The following SEL1L2 variants were observed in gnomAD, a reference collection of about 807,000 sequenced individuals.
The protein encoded by SEL1L2 is SEL1L2 adaptor subunit of SYVN1 ubiquitin ligase.
A neutral mutation model predicts 98.8 loss-of-function variants in SEL1L2; 89 were observed. That is an observed-to-expected ratio of 0.90 (90% confidence interval 0.76 to 1.07). The LOEUF (loss-of-function observed/expected upper bound fraction) is 1.07. Ranked by LOEUF, SEL1L2 falls within the 50% of genes least tolerant of loss-of-function variation. The probability of loss-of-function intolerance (pLI) is 0.00; values close to 1 mark genes in which losing one functional copy is unlikely to be tolerated. For missense variants in SEL1L2, 788 were observed against 812.0 expected, an observed-to-expected ratio of 0.97 and a Z score of 0.36; for synonymous variants, 262 against 278.5, an observed-to-expected ratio of 0.94 and a Z score of 0.59.
intron 1 of SEL1L2, among the ~76,000 whole-genome samples, chr20:13,967,524 C>A (rs1461684811): frequency 6.6e-6 from 1 of 152,178 alleles, no homozygotes; most frequent in Non-Finnish European, 1.5e-5. Flanking sequence ...TGCCTGGTCC[C>A]AGCTCATTTC....
intron 3 of SEL1L2, among the ~76,000 whole-genome samples, chr20:13,926,969 C>T (rs1173682040): frequency 6.6e-6 from 1 of 152,184 alleles, no homozygotes; most frequent in African/African-American, 2.4e-5. Flanking sequence ...CAGGAATAGG[C>T]TCCACTGTTC....
Position 13,911,766 on chromosome 20 carries a change from G to A in SEL1L2, c.549+2016C>T, listed in dbSNP as rs140946707. Among the ~76,000 whole-genome samples the A allele has an allele frequency of 2.6e-3, 399 of 152,078 alleles. 7 individuals carry two copies. The East Asian group carries it at 0.049, about 19-fold the overall frequency. ...GAAGCAGCAACTAAAGTATTTGTTC[G>A]TTTTTGTAAAAAAATAATTCTATGG... On this transcript the variant is annotated intron_variant, in intron 5 of 19. Transcript: ENST00000284951.
At chr20:13,970,786 T>TG (rs796236492) in intron 1 of SEL1L2, among the ~76,000 whole-genome samples, 34 of 152,134 alleles carry the variant, frequency 2.2e-4, no homozygotes, top group African/African-American at 8.2e-4. Flanking sequence ...AGGCCAAGGT[T>TG]GTGCCATTGC....
intron 10 of SEL1L2, among the ~76,000 whole-genome samples, chr20:13,879,476 T>G (rs1390598228): frequency 6.6e-6 from 1 of 152,046 alleles, no homozygotes; most frequent in Non-Finnish European, 1.5e-5. Flanking sequence ...CTCGGCTTCC[T>G]GAGTAGGTGG....
intron 1 of SEL1L2, among the ~76,000 whole-genome samples, chr20:13,984,693 C>T (rs763344683): frequency 6.6e-6 from 1 of 151,838 alleles, no homozygotes; most frequent in Non-Finnish European, 1.5e-5. Flanking sequence ...CCCCTCCCCT[C>T]CCATCACCCT....
At position 13,907,980 on chromosome 20, in the gene SEL1L2, T is replaced by C. The variant is rs561545229; in HGVS notation, c.549+5802A>G. Among the ~76,000 whole-genome samples, 13 of 151,258 alleles carry C rather than the reference T, an allele frequency of 8.6e-5. No individual in the cohort carries two copies. In the South Asian group the frequency reaches 2.1e-3, roughly 24 times the overall value. On this transcript the variant is annotated intron_variant, in intron 5 of 19. Transcript: ENST00000284951. ...TTTATATTTTTTTGTAAAGATAGGG[T>C]CTTACTATGTTGCCCAGGGTAGTCT...
chr20:13,945,908 CAACA>C (rs1180154122), intron 2 of SEL1L2, among the ~76,000 whole-genome samples: 7 of 151,912 alleles, frequency 4.6e-5, no homozygotes, highest in African/African-American at 1.7e-4. Context: ...AAAAAGCATT[CAACA>C]AACAAAGAAT....
chr20:13,949,924 T>C (rs1317008395), intron 2 of SEL1L2, among the ~76,000 whole-genome samples: 1 of 152,172 alleles, frequency 6.6e-6, no homozygotes, highest in Non-Finnish European at 1.5e-5. Flanking sequence ...GCAGCATTAT[T>C]TGCAATAGCC....
At chr20:13,916,609 C>T (rs892515572) in intron 4 of SEL1L2, among the ~76,000 whole-genome samples, 1 of 152,136 alleles carries the variant, frequency 6.6e-6, no homozygotes, top group Non-Finnish European at 1.5e-5. Flanking sequence ...AGTTTGAGAC[C>T]AGCCTGACCA....
intron 1 of SEL1L2, among the ~76,000 whole-genome samples, chr20:13,979,232 T>C (rs2051693053): frequency 6.6e-6 from 1 of 152,122 alleles, no homozygotes; most frequent in Non-Finnish European, 1.5e-5. Flanking sequence ...CAGAGTAGAA[T>C]TGTGGTTATT....
Position 13,931,743 on chromosome 20 carries a change from A to G in SEL1L2, c.143T>C (p.Leu48Ser). Residue 48 changes from leucine to serine, a missense_variant, in exon 3 of 20, where the codon TTA (leucine) becomes TCA (serine). Physicochemically the swap from Leu to Ser is moderately radical, Grantham distance 145 (BLOSUM62 -2). Coordinates refer to ENST00000284951, the MANE Select transcript of SEL1L2 (RefSeq NM_025229.2). ...QVSVNEIKQY[L>S]SHILEQRTSS... Reference sequence around the variant, plus strand: ...TGTTCTTTGTTCCAATATGTGTGATAAATATTGTTTGATTTCGTTCACTGA... The same window carrying G: ...TGTTCTTTGTTCCAATATGTGTGATGAATATTGTTTGATTTCGTTCACTGA... 1 of 1,549,758 alleles carries G rather than the reference A, an allele frequency of 6.5e-7. No homozygotes were observed.
At chr20:13,992,891 C>T (rs2052569782), upstream of SEL1L2, among the ~76,000 whole-genome samples, 1 of 152,072 alleles carries the variant, frequency 6.6e-6, no homozygotes, top group African/African-American at 2.4e-5. Flanking sequence ...GGCCTCAGTC[C>T]TATTAACCTC....
intron 1 of SEL1L2, among the ~76,000 whole-genome samples, chr20:13,974,475 C>CTCTTT (rs71335938): frequency 1.5e-3 from 122 of 80,212 alleles, no homozygotes; most frequent in Non-Finnish European, 1.9e-3. Flanking sequence ...CTCTCTCTCT[C>CTCTTT]TTTTTTTTTT....
chr20:13,918,905 G>A, intron 4 of SEL1L2, 116 bp downstream of exon 4: 1 of 663,960 alleles, frequency 1.5e-6, no homozygotes, highest in Non-Finnish European at 2.6e-6. Context: ...ATAGTTTATG[G>A]GCAAATAGGC....
At position 13,865,242 on chromosome 20, in the gene SEL1L2, C is replaced by T. The variant is rs1050456321; in HGVS notation, c.1571-1G>A. 3.7e-6 allele frequency: 6 copies of T among 1,613,198 alleles called. No individual in the cohort carries two copies. The highest frequency in any genetic ancestry group is 5.1e-6 in the Non-Finnish European group (6 of 1,179,346). On this transcript the variant is annotated splice_acceptor_variant, in intron 16 of 19. Transcript: ENST00000284951. LOFTEE classifies it high-confidence loss of function. ...TCTTTTTCAAGAATGTTAGCCTTTT[C>T]TAAAAAGAGGAGACATTCCATTAGG... is the stretch of plus-strand genomic sequence containing the variant.
At chr20:13,852,617 G>A (rs1383855245) in intron 18 of SEL1L2, among the ~76,000 whole-genome samples, 1 of 152,152 alleles carries the variant, frequency 6.6e-6, no homozygotes. Context: ...TGGTACATTT[G>A]AGTTTATTTT....
intron 2 of SEL1L2, among the ~76,000 whole-genome samples, chr20:13,938,184 G>A (rs1477167301): frequency 6.6e-6 from 1 of 151,652 alleles, no homozygotes; most frequent in East Asian, 1.9e-4. Flanking sequence ...GGGTTCAAGC[G>A]ATTCTCTTGC....
intron 1 of SEL1L2, among the ~76,000 whole-genome samples, chr20:13,963,367 C>T (rs2050869739): frequency 8.3e-6 from 1 of 120,688 alleles, no homozygotes; most frequent in Non-Finnish European, 1.6e-5. Context: ...TTGGCAGTTT[C>T]CCAATCTAAA....
rs536623927 is a variant in SEL1L2 at position 13,924,825 on chromosome 20, G to T, written c.284-5702C>A. On this transcript the variant is annotated intron_variant, in intron 3 of 19. Coordinates refer to ENST00000284951, the MANE Select transcript of SEL1L2 (RefSeq NM_025229.2). The stretch of plus-strand genomic sequence containing the variant: ...TATATTTATTCTGTAGACTTTTGCA[G>T]GTTGTTCTACTCTATCAAGTCTTGA... Among the ~76,000 whole-genome samples the T allele has an allele frequency of 3.9e-5, 6 of 152,204 alleles. No homozygotes were observed. In the East Asian group the frequency reaches 9.7e-4, roughly 25 times the overall value.
Sources: allele counts gnomAD v4.1 joint callset (sites outside exome capture counted in the v4.1 genomes callset), GRCh38; gene constraint gnomAD v4.1.1; transcripts MANE v1.5; gene names NCBI Gene and HGNC (gene_info 2026-07-23, HGNC 2026-07-21).